SPHKAP: variants seen among roughly 807,000 people sequenced by gnomAD.
SPHKAP encodes the protein A-kinase anchor protein SPHKAP.
Under a neutral mutation model 137.5 loss-of-function variants are expected in SPHKAP, and 67 were observed. The ratio of observed to expected loss-of-function variants is 0.49; its 90% CI spans 0.40 to 0.60. SPHKAP has a LOEUF of 0.60. Among genes scored for constraint, SPHKAP ranks in the 20% least tolerant of loss-of-function variants. The pLI, the probability that SPHKAP is intolerant of heterozygous loss-of-function variation, is 0.00. For synonymous variants in SPHKAP, 813 were observed against 785.3 expected (o/e 1.04, Z -0.59); for missense variants, 2,097 against 2,069.3 (o/e 1.01, Z -0.26).
At chr2:228,076,512 G>A (rs545970896) in intron 3 of SPHKAP, among the ~76,000 whole-genome samples, 1 of 152,160 alleles carries the variant, frequency 6.6e-6, no homozygotes, top group African/African-American at 2.4e-5. Context: ...TGAGGAACTT[G>A]TTGGGAATTG....
chr2:228,173,180 T>G (rs1004035179), intron 1 of SPHKAP, among the ~76,000 whole-genome samples: 1 of 152,018 alleles, frequency 6.6e-6, no homozygotes, highest in Non-Finnish European at 1.5e-5. Context: ...TTTTATTTAA[T>G]AAAGAAAGAA....
Position 228,017,521 on chromosome 2 carries a change from G to A in SPHKAP, c.3333C>T (p.Ser1111=). 1 of 1,613,130 alleles carries A rather than the reference G, an allele frequency of 6.2e-7. No homozygotes were observed. Among genetic ancestry groups the A allele is most frequent in the Non-Finnish European group, 8.5e-7 (1 of 1,179,678 alleles). The change falls in exon 7 of 12, where the codon AGC becomes AGT. Residue 1111 remains serine, a synonymous_variant. Coordinates refer to ENST00000392056, the MANE Select transcript of SPHKAP (RefSeq NM_001142644.2). ...ACTGCTTGGAGACAGAGCTGGCCCT[G>A]CTGACCGGCTGGCTCAGCGTGCTCA... ...GLMSTLSQPV[S]RASSVSKQSS...
At chr2:228,148,202 G>T (rs1034097856) in intron 1 of SPHKAP, among the ~76,000 whole-genome samples, 6 of 152,204 alleles carry the variant, frequency 3.9e-5, no homozygotes, top group Admixed American at 2.0e-4. Flanking sequence ...GCACCAGGTT[G>T]TATGGCTACT....
chr2:227,984,375 CCTTCTTAG>C (rs1693135950), intron 11 of SPHKAP, among the ~76,000 whole-genome samples: 1 of 151,852 alleles, frequency 6.6e-6, no homozygotes, highest in African/African-American at 2.4e-5. Context: ...CTCTCACCAC[CCTTCTTAG>C]CTTCTTGTCT....
rs146588465 is a variant in SPHKAP at position 228,075,647 on chromosome 2, C to T, written c.246+33185G>A. On this transcript the variant is annotated intron_variant, in intron 3 of 11. Coordinates refer to ENST00000392056, the MANE Select transcript of SPHKAP (RefSeq NM_001142644.2). ...CCAGTATCATTCTTGAAAATGATGCCGGATTACTCTTCAGAAGGAAAAGAA... is the reference window on the plus strand; with the variant it reads ...CCAGTATCATTCTTGAAAATGATGCTGGATTACTCTTCAGAAGGAAAAGAA... Among the ~76,000 whole-genome samples, 585 of 152,094 alleles carry T rather than the reference C, an allele frequency of 3.8e-3. 4 individuals are homozygous for T. The highest frequency in any genetic ancestry group is 0.013 in the African/African-American group (556 of 41,460).
At chr2:228,094,992 T>C (rs1265470700) in intron 3 of SPHKAP, among the ~76,000 whole-genome samples, 1 of 152,164 alleles carries the variant, frequency 6.6e-6, no homozygotes. Flanking sequence ...ATGCTGGGGC[T>C]GAAAACACAT....
chr2:228,041,660 A>G (rs947568659), intron 3 of SPHKAP, among the ~76,000 whole-genome samples: 9 of 150,422 alleles, frequency 6.0e-5, no homozygotes, highest in African/African-American at 1.5e-4. Context: ...AAAAAAAAAA[A>G]AAAAAGAAAA....
intron 1 of SPHKAP, among the ~76,000 whole-genome samples, chr2:228,176,943 C>T (rs1443342051): frequency 6.6e-6 from 1 of 152,108 alleles, no homozygotes; most frequent in African/African-American, 2.4e-5. Flanking sequence ...ATCACTGTTT[C>T]CTCTTCCCCT....
chr2:228,074,876 C>T (rs1293402734), intron 3 of SPHKAP, among the ~76,000 whole-genome samples: 1 of 152,012 alleles, frequency 6.6e-6, no homozygotes, highest in Non-Finnish European at 1.5e-5. Context: ...ATCCTTCTTT[C>T]TCACTCTCTC....
chr2:228,119,341 A>G (rs537502937), intron 2 of SPHKAP, among the ~76,000 whole-genome samples: 2 of 152,272 alleles, frequency 1.3e-5, no homozygotes, highest in South Asian at 4.1e-4. Context: ...AATGTCTTGA[A>G]GCATTCTAAG....
intron 7 of SPHKAP, chr2:227,996,315 A>G (rs772867249): frequency 2.5e-5 from 4 of 162,994 alleles, no homozygotes; most frequent in Non-Finnish European, 5.1e-5. Flanking sequence ...CTTCTGGATG[A>G]GCACTTGCAT....
At chr2:228,105,515 G>A (rs983805855) in intron 3 of SPHKAP, among the ~76,000 whole-genome samples, 1 of 152,134 alleles carries the variant, frequency 6.6e-6, no homozygotes, top group African/African-American at 2.4e-5. Context: ...TTGTTTGATA[G>A]GAGACTTTAA....
intron 3 of SPHKAP, among the ~76,000 whole-genome samples, chr2:228,072,522 G>GTACTA (rs1279016693): frequency 2.0e-5 from 3 of 152,082 alleles, no homozygotes; most frequent in African/African-American, 7.2e-5. Context: ...GTTTTACAAT[G>GTACTA]TACTATTGAC....
chr2:228,017,131 G>T lies in SPHKAP; in HGVS notation c.3723C>A (p.Asp1241Glu), dbSNP rs1175619621. ...TCAGCCTGGAGCATGGGGATCTGCT[G>T]TCTGGCATGGACGACTGTCTGTGGC... is the stretch of plus-strand genomic sequence containing the variant. The part of the protein sequence containing the change: ...PVCHRQSSMP[D>E]SRSPCSRLTV... The change falls in exon 7 of 12, where the codon GAC becomes GAA. Residue 1241 changes from aspartate (D) to glutamate (E), a missense_variant. Transcript: ENST00000392056. The T allele has an allele frequency of 6.2e-7, 1 of 1,613,948 alleles. No individual in the cohort carries two copies. The highest frequency in any genetic ancestry group is 8.5e-7 in the Non-Finnish European group (1 of 1,180,030).
chr2:228,044,504 C>G (rs1695959544), intron 3 of SPHKAP, among the ~76,000 whole-genome samples: 1 of 152,100 alleles, frequency 6.6e-6, no homozygotes, highest in Admixed American at 6.6e-5. Context: ...ATTACTATCC[C>G]TATAGATTGG....
intron 1 of SPHKAP, among the ~76,000 whole-genome samples, chr2:228,160,692 C>T (rs559017698): frequency 2.8e-4 from 43 of 152,224 alleles, no homozygotes; most frequent in Admixed American, 2.8e-3. Flanking sequence ...AATCATATCA[C>T]CAATCAAAGA....
At chr2:228,015,772 G>T (rs1003052029) in intron 7 of SPHKAP, among the ~76,000 whole-genome samples, 1 of 152,016 alleles carries the variant, frequency 6.6e-6, no homozygotes, top group African/African-American at 2.4e-5. Flanking sequence ...AGTGTCCTTG[G>T]CAAGATCTTT....
At chr2:228,113,981 G>A (rs2106354498) in intron 2 of SPHKAP, among the ~76,000 whole-genome samples, 1 of 152,176 alleles carries the variant, frequency 6.6e-6, no homozygotes, top group Middle Eastern at 3.4e-3. Context: ...CAAATCATTA[G>A]GAAAAGAAGA....
chr2:228,025,980 G>A (rs1485851541), intron 4 of SPHKAP: 2 of 433,920 alleles, frequency 4.6e-6, no homozygotes, highest in African/African-American at 4.3e-5. Flanking sequence ...CCTGGTGGGA[G>A]ATGATTGGAT....
Sources: gnomAD v4.1 joint callset for allele counts (sites outside exome capture counted in the v4.1 genomes callset) on GRCh38, gnomAD v4.1.1 for gene constraint, MANE v1.5 for transcripts, NCBI Gene and HGNC (gene_info 2026-07-23, HGNC 2026-07-21) for gene names.